GRIK4: variants seen among roughly 807,000 people sequenced by gnomAD.
GRIK4 encodes glutamate ionotropic receptor kainate type subunit 4, also known as glutamate receptor ionotropic, kainate 4.
In GRIK4, 40 loss-of-function variants were observed where a neutral mutation model predicts 104.9. The ratio of observed to expected loss-of-function variants is 0.38; its 90% confidence interval spans 0.30 to 0.50. The LOEUF (loss-of-function observed/expected upper bound fraction) is 0.50. GRIK4 is among the 20% of genes least tolerant of loss of function. The probability of loss-of-function intolerance (pLI) is 0.93; values close to 1 mark genes in which losing one functional copy is unlikely to be tolerated. For missense variants in GRIK4, 1,047 were observed against 1,308.1 expected (o/e 0.80, Z 3.08); for synonymous variants, 485 against 524.9 (o/e 0.92, Z 1.04).
chr11:120,791,368 C>CA (rs562575764), intron 3 of GRIK4, among the ~76,000 whole-genome samples: 39 of 152,320 alleles, frequency 2.6e-4, no homozygotes, highest in African/African-American at 9.1e-4. Context: ...TAATGTTGGA[C>CA]ATATTTTCAC....
chr11:120,898,314 A>C, intron 11 of GRIK4, among the ~76,000 whole-genome samples: 2 of 146,120 alleles, frequency 1.4e-5, no homozygotes, highest in African/African-American at 2.5e-5. Flanking sequence ...TCTCCCCCAC[A>C]TCTTTATTCC....
chr11:120,893,325 C>T (rs780480472), intron 11 of GRIK4, among the ~76,000 whole-genome samples: 63 of 152,144 alleles, frequency 4.1e-4, no homozygotes, highest in Non-Finnish European at 7.5e-4. Context: ...CATCCCATAT[C>T]GGTTATATTT....
intron 1 of GRIK4, among the ~76,000 whole-genome samples, chr11:120,568,219 C>T (rs1342585417): frequency 6.6e-6 from 1 of 152,114 alleles, no homozygotes; most frequent in East Asian, 1.9e-4. Context: ...AACTCTCCAG[C>T]AAAGACTCAC....
intron 3 of GRIK4, among the ~76,000 whole-genome samples, chr11:120,785,324 A>T (rs1285849484): frequency 1.3e-5 from 2 of 152,158 alleles, no homozygotes; most frequent in East Asian, 3.8e-4. Flanking sequence ...TTCAAAAGAG[A>T]ACACATGGGG....
intron 8 of GRIK4, among the ~76,000 whole-genome samples, chr11:120,857,901 T>C (rs1408962708): frequency 1.3e-5 from 2 of 152,160 alleles, no homozygotes; most frequent in Admixed American, 6.5e-5. Context: ...CAATGCAACA[T>C]GGGGTCCATC....
chr11:120,552,864 G>A (rs928281997), intron 1 of GRIK4, among the ~76,000 whole-genome samples: 1 of 152,146 alleles, frequency 6.6e-6, no homozygotes, highest in African/African-American at 2.4e-5. Context: ...GCTGGGCGTG[G>A]TGGCAGGTGC....
chr11:120,810,926 C>A (rs753967870), intron 4 of GRIK4, among the ~76,000 whole-genome samples: 5 of 152,074 alleles, frequency 3.3e-5, no homozygotes, highest in Non-Finnish European at 7.4e-5. Context: ...TGCCTACATT[C>A]AAAATGGAAA....
rs1444537716 is a variant in GRIK4 at position 120,689,404 on chromosome 11, A to G, written c.82+29004A>G. Among the ~76,000 whole-genome samples the G allele has an allele frequency of 2.0e-5, 3 of 152,088 alleles. No individual in the cohort carries two copies. The East Asian group carries it at 5.8e-4, about 29-fold the overall frequency. On this transcript the variant is annotated intron_variant, in intron 3 of 20. Coordinates refer to ENST00000527524, the MANE Select transcript of GRIK4 (RefSeq NM_014619.5). ...GAATTTCTTAGGGTTTCTCTTATTTATGAAATACCAACTCCTTAGTGTGCA... is the reference window on the plus strand; with the variant it reads ...GAATTTCTTAGGGTTTCTCTTATTTGTGAAATACCAACTCCTTAGTGTGCA...
chr11:120,706,508 C>T (rs1199157889), intron 3 of GRIK4, among the ~76,000 whole-genome samples: 2 of 152,068 alleles, frequency 1.3e-5, no homozygotes, highest in African/African-American at 4.8e-5. Flanking sequence ...GCATGGAGCC[C>T]AGGGGTGAGT....
In GRIK4 at chr11:120,861,170, A is replaced by G. The variant is rs1224029762; in HGVS notation, c.745-789A>G. 1.4e-4 allele frequency among the ~76,000 whole-genome samples: 19 copies of G among 134,088 alleles called. No individual in the cohort carries two copies. The East Asian group carries it at 3.5e-3, about 25-fold the overall frequency. The allele number at this position is 134,088 out of a possible 152,430, so 88.0% of individuals were successfully genotyped here. On this transcript the variant is annotated intron_variant, in intron 8 of 20. Transcript: ENST00000527524. ...CTTGCCCAGGCTGGAGTGCAATGGC[A>G]CAATCTCGGCTCACTGCAACCTCCG... is the stretch of plus-strand genomic sequence containing the variant.
chr11:120,737,411 G>A (rs1301087820), intron 3 of GRIK4, among the ~76,000 whole-genome samples: 1 of 152,174 alleles, frequency 6.6e-6, no homozygotes, highest in Non-Finnish European at 1.5e-5. Flanking sequence ...CTAATGAAGT[G>A]CATAGCTTTG....
At chr11:120,970,926 G>A (rs1436688484) in intron 19 of GRIK4, among the ~76,000 whole-genome samples, 1 of 152,308 alleles carries the variant, frequency 6.6e-6, no homozygotes, top group Middle Eastern at 3.4e-3. Context: ...AGATGCCCTT[G>A]TGATAGTAGA....
chr11:120,912,884 G>A (rs545921310), intron 13 of GRIK4, among the ~76,000 whole-genome samples: 3 of 152,198 alleles, frequency 2.0e-5, no homozygotes, highest in African/African-American at 7.2e-5. Flanking sequence ...GGCTGGAGAT[G>A]ATGGAGCATT....
chr11:120,901,635 G>C (rs947610357), intron 12 of GRIK4, among the ~76,000 whole-genome samples: 5 of 152,186 alleles, frequency 3.3e-5, no homozygotes, highest in African/African-American at 1.2e-4. Context: ...ATTAGAATCT[G>C]AGTGAAGGAA....
intron 1 of GRIK4, among the ~76,000 whole-genome samples, chr11:120,523,092 A>T (rs1260686324): frequency 2.0e-5 from 3 of 150,406 alleles, no homozygotes; most frequent in African/African-American, 7.4e-5. Flanking sequence ...CTGGGTGGGG[A>T]TGCAGACACC....
Position 120,905,178 on chromosome 11 carries a change from C to T in GRIK4, c.1273-112C>T. On this transcript the variant is annotated intron_variant, in intron 12 of 20. Transcript: ENST00000527524. This position sits in a 1 kb window ranked among gnomAD's most constrained non-coding sequence, Gnocchi z 5.1. Reference sequence around the variant, plus strand: ...GTAGCCCATTACCCACGTCAGTTTCCTCCTTCTGCCCCATGTCCTCCCCGA... The same window carrying T: ...GTAGCCCATTACCCACGTCAGTTTCTTCCTTCTGCCCCATGTCCTCCCCGA... 4 of 780,216 alleles carry T rather than the reference C, an allele frequency of 5.1e-6. No homozygotes were observed. Among genetic ancestry groups the T allele is most frequent in the Non-Finnish European group, 9.0e-6 (4 of 442,154 alleles). 48.3% of individuals were successfully genotyped at this position (780,216 alleles called of 1,614,324 possible).
At chr11:120,735,816 C>G (rs183347563) in intron 3 of GRIK4, among the ~76,000 whole-genome samples, 2 of 152,324 alleles carry the variant, frequency 1.3e-5, no homozygotes, top group Admixed American at 1.3e-4. Flanking sequence ...GCCTCCACCA[C>G]CACTGGCCCA....
intron 3 of GRIK4, among the ~76,000 whole-genome samples, chr11:120,757,942 A>G (rs1172171489): frequency 2.6e-5 from 4 of 152,196 alleles, no homozygotes; most frequent in Non-Finnish European, 4.4e-5. Flanking sequence ...TTTACAGTCC[A>G]TGGGATTGAT....
At chr11:120,670,368 C>T (rs1404329137) in intron 3 of GRIK4, among the ~76,000 whole-genome samples, 1 of 152,244 alleles carries the variant, frequency 6.6e-6, no homozygotes, top group African/African-American at 2.4e-5. Flanking sequence ...CTTCCCATGT[C>T]AGAATAAAAG....
Sources: gnomAD v4.1 joint callset for allele counts (sites outside exome capture counted in the v4.1 genomes callset) on GRCh38, gnomAD v4.1.1 for gene constraint, Gnocchi (gnomAD v3.1) non-coding constraint, MANE v1.5 for transcripts, NCBI Gene and HGNC (gene_info 2026-07-23, HGNC 2026-07-21) for gene names.